The following DNAH9 variants were observed in gnomAD, a reference collection of about 807,000 sequenced individuals.
DNAH9 encodes DNAH9 variant protein.
A neutral mutation model predicts 471.6 loss-of-function variants in DNAH9; 345 were observed. The ratio of observed to expected loss-of-function variants is 0.73; its 90% CI spans 0.67 to 0.80. The LOEUF is 0.80. Ranked by LOEUF, DNAH9 falls within the 30% of genes least tolerant of loss-of-function variation. The pLI is 0.00. For missense variants in DNAH9, 5,407 were observed against 5,609.2 expected, an observed-to-expected ratio of 0.96 and a Z score of 1.15; for synonymous variants, 2,093 against 2,123.6, an observed-to-expected ratio of 0.99 and a Z score of 0.40.
rs3744585 is a variant in DNAH9, at chr17:11,834,621, G to C, written c.9247-17G>C. On this transcript the variant is annotated splice_polypyrimidine_tract_variant and intron_variant, in intron 48 of 68. Coordinates refer to ENST00000262442, the MANE Select transcript of DNAH9 (RefSeq NM_001372.4). ...CCAGTCACAACTCCTGATAAGTCCC[G>C]TGCTTCTCCAATGCAGGTGGATGAT... The C allele has an allele frequency of 1.2e-6, 2 of 1,612,558 alleles. No individual in the cohort carries two copies. The highest frequency in any genetic ancestry group is 4.5e-5 in the East Asian group (2 of 44,840).
chr17:11,908,113 C>T (rs1973668460), intron 61 of DNAH9, among the ~76,000 whole-genome samples: 1 of 152,092 alleles, frequency 6.6e-6, no homozygotes, highest in South Asian at 2.1e-4. Context: ...GGTATTGGTT[C>T]CAGTCCTTGC....
chr17:11,854,139 T>C lies in DNAH9; in HGVS notation c.9644T>C (p.Met3215Thr), dbSNP rs1179030616. The C allele has an allele frequency of 1.2e-6, 2 of 1,614,044 alleles. No individual in the cohort carries two copies. Among genetic ancestry groups the C allele is most frequent in the African/African-American group, 1.3e-5 (1 of 74,908 alleles). ...DRSWKAAKVT[M>T]AKVDGFLDSL... is the part of the protein sequence containing the mutation. ...AGCTGGAAGGCTGCTAAGGTCACCATGGCCAAAGTGGATGGCTTCCTGGAC... is the reference window on the plus strand; with the variant it reads ...AGCTGGAAGGCTGCTAAGGTCACCACGGCCAAAGTGGATGGCTTCCTGGAC... Residue 3215 changes from methionine to threonine, a missense_variant, in exon 50 of 69, where the codon ATG (methionine) becomes ACG (threonine). This residue lies in a region of DNAH9 where 4,636 missense variants were observed against 4,900.3 expected (regional missense o/e 0.95). Coordinates refer to ENST00000262442, the MANE Select transcript of DNAH9 (RefSeq NM_001372.4).
Position 11,775,128 on chromosome 17 carries a change from C to T in DNAH9, c.7552+5799C>T, listed in dbSNP as rs1355480709. ...TTATGTAATGGAGTCACAAAATGTG[C>T]ACTCTCTTTTTGCCTGGCTTCTTTC... is the stretch of plus-strand genomic sequence containing the variant. On this transcript the variant is annotated intron_variant, in intron 38 of 68. Coordinates refer to ENST00000262442, the MANE Select transcript of DNAH9 (RefSeq NM_001372.4). 3.3e-5 allele frequency among the ~76,000 whole-genome samples: 5 copies of T among 152,096 alleles called. No individual in the cohort carries two copies. The East Asian group carries it at 9.6e-4, about 29-fold the overall frequency.
chr17:11,753,892 G>C (rs1377137791), intron 33 of DNAH9, among the ~76,000 whole-genome samples: 1 of 152,054 alleles, frequency 6.6e-6, no homozygotes, highest in African/African-American at 2.4e-5. Context: ...GGGGTTTGTT[G>C]TACACATTAT....
At chr17:11,958,731 T>TAAA (rs5819345) in intron 67 of DNAH9, among the ~76,000 whole-genome samples, 1 of 145,280 alleles carries the variant, frequency 6.9e-6, no homozygotes, top group Non-Finnish European at 1.5e-5. Context: ...AAAACTGCCC[T>TAAA]AAAAAAAAAA....
chr17:11,633,992 G>A (rs935398635), intron 8 of DNAH9, among the ~76,000 whole-genome samples: 1 of 152,180 alleles, frequency 6.6e-6, no homozygotes, highest in African/African-American at 2.4e-5. Context: ...AAACATGTCT[G>A]TGTGTGCCAA....
intron 68 of DNAH9, among the ~76,000 whole-genome samples, chr17:11,963,208 G>A (rs896175448): frequency 6.6e-6 from 1 of 152,130 alleles, no homozygotes; most frequent in Admixed American, 6.5e-5. Context: ...GCCGAGGCGG[G>A]CAGATCACCT....
intron 53 of DNAH9, 109 bp downstream of exon 53, chr17:11,875,293 C>T (rs905275688): frequency 1.1e-4 from 89 of 816,794 alleles, no homozygotes; most frequent in Non-Finnish European, 1.4e-4. Flanking sequence ...CCTGGTCTCT[C>T]CATCAGGCTT....
At chr17:11,770,788 T>C (rs1968176390) in intron 38 of DNAH9, among the ~76,000 whole-genome samples, 2 of 152,220 alleles carry the variant, frequency 1.3e-5, no homozygotes, top group Non-Finnish European at 2.9e-5. Flanking sequence ...AAGCATGACA[T>C]ACTTTTAAGT....
chr17:11,778,612 A>T (rs1968554815), intron 38 of DNAH9, among the ~76,000 whole-genome samples: 1 of 151,766 alleles, frequency 6.6e-6, no homozygotes, highest in Admixed American at 6.6e-5. Flanking sequence ...TACACATCTT[A>T]CCATTTGGGA....
At chr17:11,848,907 G>C in intron 49 of DNAH9, among the ~76,000 whole-genome samples, 1 of 151,872 alleles carries the variant, frequency 6.6e-6, no homozygotes, top group East Asian at 1.9e-4. Context: ...CATGATCTCG[G>C]CTCACTGCAA....
chr17:11,679,787 G>T lies in DNAH9; in HGVS notation c.3384G>T (p.Lys1128Asn), dbSNP rs780383146. The T allele has an allele frequency of 1.2e-6, 2 of 1,614,108 alleles. No individual in the cohort carries two copies. Among genetic ancestry groups the T allele is most frequent in the Non-Finnish European group, 1.7e-6 (2 of 1,179,986 alleles). Reference sequence around the variant, plus strand: ...CCAACCTGGATGCGTTTATAAAGAAGAGTGAGAGCGGCTTACTCAAGAAAG... The same window carrying T: ...CCAACCTGGATGCGTTTATAAAGAATAGTGAGAGCGGCTTACTCAAGAAAG... The part of the protein sequence containing the change: ...SLANLDAFIK[K>N]SESGLLKKVE... Residue 1128 changes from lysine to asparagine, a missense_variant, in exon 18 of 69, where the codon AAG becomes AAT. Around this residue, in one of 3 missense-constraint regions of DNAH9, gnomAD observed 4,636 missense variants for 4,900.3 expected, o/e 0.95. Transcript: ENST00000262442.
In DNAH9 at chr17:11,869,194, C is replaced by T. The variant is rs144987356; in HGVS notation, c.9994C>T (p.Leu3332Phe). 5 of 1,613,716 alleles carry T rather than the reference C, an allele frequency of 3.1e-6. No homozygotes were observed. Among genetic ancestry groups the T allele is most frequent in the Non-Finnish European group, 4.2e-6 (5 of 1,179,832 alleles). Residue 3332 changes from leucine to phenylalanine, a missense_variant, in exon 51 of 69, where the codon CTC becomes TTC. By Grantham distance (22) the Leu-to-Phe change is conservative. This residue lies in a region of DNAH9 where 4,636 missense variants were observed against 4,900.3 expected (regional missense o/e 0.95). Transcript: ENST00000262442. Reference protein sequence around the residue: ...ARFEKATADKLKCQQEAEVTA... With the variant: ...ARFEKATADKFKCQQEAEVTA... ...GTTTGAGAAAGCAACAGCAGACAAA[C>T]TCAAATGTCAGCAAGAAGCCGAAGT...
chr17:11,658,746 C>T (rs2073700254), intron 14 of DNAH9, among the ~76,000 whole-genome samples: 1 of 152,040 alleles, frequency 6.6e-6, no homozygotes, highest in African/African-American at 2.4e-5. Context: ...TCTGCATCTC[C>T]TGAGGTGGTT....
Position 11,696,091 on chromosome 17 carries a change from C to T in DNAH9, c.4872+1644C>T, listed in dbSNP as rs139229276. Among the ~76,000 whole-genome samples the T allele has an allele frequency of 2.8e-3, 426 of 152,308 alleles. 3 individuals carry two copies. The highest frequency in any genetic ancestry group is 3.7e-3 in the Non-Finnish European group (252 of 68,028). The stretch of plus-strand genomic sequence containing the variant: ...TCATGCCATAACCACGTCTGTTCCA[C>T]CCACTATAGGTAACCAATTTCATTA... On this transcript the variant is annotated intron_variant, in intron 22 of 68. Coordinates refer to ENST00000262442, the MANE Select transcript of DNAH9 (RefSeq NM_001372.4).
intron 31 of DNAH9, among the ~76,000 whole-genome samples, chr17:11,745,349 C>T (rs1023669939): frequency 3.9e-5 from 6 of 152,188 alleles, no homozygotes; most frequent in Non-Finnish European, 5.9e-5. Context: ...TGCCAACTAT[C>T]TGCTCACTCA....
chr17:11,879,949 A>C, intron 53 of DNAH9, 129 bp from the exon 54 acceptor site: 1 of 1,153,738 alleles, frequency 8.7e-7, no homozygotes, highest in Non-Finnish European at 1.2e-6. Flanking sequence ...TGGCCACTGA[A>C]AACATTCCAA....
chr17:11,729,783 G>A (rs2075225879), intron 28 of DNAH9, among the ~76,000 whole-genome samples: 1 of 152,274 alleles, frequency 6.6e-6, no homozygotes, highest in Admixed American at 6.5e-5. Context: ...ATCCACATAG[G>A]TCTCACATGT....
At chr17:11,712,712 A>G (rs1426893184) in intron 26 of DNAH9, among the ~76,000 whole-genome samples, 1 of 152,026 alleles carries the variant, frequency 6.6e-6, no homozygotes, top group Non-Finnish European at 1.5e-5. Flanking sequence ...TTAGCCATTC[A>G]TGCATCTTCT....
Sources: gnomAD v4.1 joint callset for allele counts (sites outside exome capture counted in the v4.1 genomes callset) on GRCh38, gnomAD v4.1.1 for gene constraint, gnomAD v4.1.1 regional missense constraint, MANE v1.5 for transcripts, NCBI Gene and HGNC (gene_info 2026-07-23, HGNC 2026-07-21) for gene names.